Variants in BNC2 observed in about 807,000 individuals in gnomAD.
BNC2 encodes the protein basonuclin zinc finger protein 2, also known as zinc finger protein basonuclin-2.
Under a neutral mutation model 76.3 loss-of-function variants are expected in BNC2, and 20 were observed. That is an observed-to-expected ratio of 0.26 (90% CI 0.18 to 0.38). BNC2 has a LOEUF of 0.38. Among genes scored for constraint, BNC2 ranks in the 10% least tolerant of loss-of-function variants. BNC2 has a pLI of 1.00. For synonymous variants in BNC2, 582 were observed against 514.8 expected (o/e 1.13, Z -1.77); for missense variants, 1,382 against 1,399.8 (o/e 0.99, Z 0.20).
chr9:16,556,774 A>T (rs955401302), intron 4 of BNC2, among the ~76,000 whole-genome samples: 4 of 151,988 alleles, frequency 2.6e-5, no homozygotes, highest in African/African-American at 9.7e-5. Context: ...CTCAAAAAAA[A>T]AAAAAAATTA....
chr9:16,766,008 C>T (rs898511408), intron 1 of BNC2, among the ~76,000 whole-genome samples: 22 of 152,036 alleles, frequency 1.4e-4, no homozygotes, highest in African/African-American at 3.6e-4. Flanking sequence ...AGGATGTTCT[C>T]GATCTCCTGA....
intron 5 of BNC2, among the ~76,000 whole-genome samples, chr9:16,472,188 TGTA>T (rs369813495): frequency 2.0e-5 from 3 of 152,342 alleles, no homozygotes; most frequent in African/African-American, 7.2e-5. Flanking sequence ...TATATTGTCC[TGTA>T]GTAACACAAA....
At chr9:16,589,993 T>G (rs553524954) in intron 3 of BNC2, among the ~76,000 whole-genome samples, 496 of 152,188 alleles carry the variant, frequency 3.3e-3, no homozygotes, top group Non-Finnish European at 4.4e-3. Context: ...GTGTGGTGGC[T>G]TAAACCTGTA....
chr9:16,728,043 C>A (rs745507947), intron 2 of BNC2, 46 bp from the exon 3 acceptor site: 1 of 1,548,918 alleles, frequency 6.5e-7, no homozygotes, highest in Non-Finnish European at 8.8e-7. Context: ...CAGCCAGTAG[C>A]AGGAGTGTAG....
chr9:16,860,461 G>A (rs1819370730), intron 1 of BNC2, among the ~76,000 whole-genome samples: 1 of 152,118 alleles, frequency 6.6e-6, no homozygotes, highest in Non-Finnish European at 1.5e-5. Flanking sequence ...AACAAATAGT[G>A]CTGGGAACAA....
rs16934621 is a variant in BNC2 at position 16,414,758 on chromosome 9, C to T, written c.*4231G>A. 21,073 of 152,088 alleles carry T rather than the reference C, an allele frequency of 0.14. 2,283 individuals carry two copies. Among genetic ancestry groups the T allele is most frequent in the African/African-American group, 0.3 (12,447 of 41,420 alleles). 9.4% of individuals were successfully genotyped at this position (152,088 alleles called of 1,614,324 possible). ...CAATCTGGTGACTAGCTTCTTTATG[C>T]TTTAATTGTCAACGGCCCTCATTCT... On this transcript the variant is annotated 3_prime_UTR_variant, in exon 7 of 7. Coordinates refer to ENST00000380672, the MANE Select transcript of BNC2 (RefSeq NM_017637.6).
chr9:16,688,843 A>G (rs1823058451), intron 3 of BNC2, among the ~76,000 whole-genome samples: 1 of 152,164 alleles, frequency 6.6e-6, no homozygotes, highest in Non-Finnish European at 1.5e-5. Context: ...ACCCTCTGAA[A>G]TCCCCAGGGC....
chr9:16,694,175 T>C (rs571532888), intron 3 of BNC2, among the ~76,000 whole-genome samples: 1 of 152,204 alleles, frequency 6.6e-6, no homozygotes, highest in South Asian at 2.1e-4. Context: ...CCTCCCTTGC[T>C]AAACAACACC....
At chr9:16,730,504 G>C (rs1316707590) in intron 2 of BNC2, among the ~76,000 whole-genome samples, 1 of 152,176 alleles carries the variant, frequency 6.6e-6, no homozygotes, top group Non-Finnish European at 1.5e-5. Context: ...GAGAGAAGCA[G>C]TTTATTAAGA....
chr9:16,607,180 C>T (rs1438136066), intron 3 of BNC2, among the ~76,000 whole-genome samples: 1 of 152,190 alleles, frequency 6.6e-6, no homozygotes, highest in African/African-American at 2.4e-5. Context: ...ATCTCAAACT[C>T]CTGTGCTCAG....
chr9:16,779,443 G>C (rs1826063522), intron 1 of BNC2, among the ~76,000 whole-genome samples: 1 of 152,038 alleles, frequency 6.6e-6, no homozygotes, highest in Non-Finnish European at 1.5e-5. Context: ...CAACATATAA[G>C]CTTAATTCTA....
chr9:16,535,025 T>A (rs908480271), intron 5 of BNC2, among the ~76,000 whole-genome samples: 1 of 152,138 alleles, frequency 6.6e-6, no homozygotes, highest in African/African-American at 2.4e-5. Flanking sequence ...AATAAAATGA[T>A]TTCCAAATTT....
chr9:16,630,374 A>G (rs1821125221), intron 3 of BNC2, among the ~76,000 whole-genome samples: 1 of 152,260 alleles, frequency 6.6e-6, no homozygotes, highest in Non-Finnish European at 1.5e-5. Context: ...TGATAAAAGC[A>G]TTAAAACTCA....
chr9:16,549,932 A>G (rs904781449), intron 5 of BNC2, among the ~76,000 whole-genome samples: 14 of 152,104 alleles, frequency 9.2e-5, no homozygotes, highest in African/African-American at 3.4e-4. Context: ...TTTTCTCAAA[A>G]TGTCAATTTT....
chr9:16,841,102 C>T (rs150881153), intron 1 of BNC2, among the ~76,000 whole-genome samples: 37 of 152,272 alleles, frequency 2.4e-4, no homozygotes, highest in Non-Finnish European at 4.4e-4. Flanking sequence ...ATAAAAAGGT[C>T]ACAAATTAAT....
In BNC2 at chr9:16,794,876, A is replaced by G. The variant is rs540321934; in HGVS notation, c.4-56391T>C. Reference sequence around the variant, plus strand: ...CCTCAAGAAGAAGTGTCAGGCTCAAATTACAACAGCTTATCTGATGGGGGA... The same window carrying G: ...CCTCAAGAAGAAGTGTCAGGCTCAAGTTACAACAGCTTATCTGATGGGGGA... On this transcript the variant is annotated intron_variant, in intron 1 of 6. Transcript: ENST00000380672. Among the ~76,000 whole-genome samples, 3 of 149,842 alleles carry G rather than the reference A, an allele frequency of 2.0e-5. No homozygotes were observed. In the Admixed American group the frequency reaches 2.0e-4, roughly 10 times the overall value.
At chr9:16,444,065 C>A (rs1821182714) in intron 5 of BNC2, among the ~76,000 whole-genome samples, 1 of 152,178 alleles carries the variant, frequency 6.6e-6, no homozygotes, top group Admixed American at 6.5e-5. Flanking sequence ...TGTTTATAAG[C>A]CACCTTACTC....
chr9:16,492,098 A>C (rs1036297134), intron 5 of BNC2, among the ~76,000 whole-genome samples: 1 of 152,202 alleles, frequency 6.6e-6, no homozygotes, highest in Non-Finnish European at 1.5e-5. Context: ...ATCAAAATTA[A>C]GTTGAATGCT....
chr9:16,801,745 C>T (rs4523356), intron 1 of BNC2, among the ~76,000 whole-genome samples: 1 of 136,238 alleles, frequency 7.3e-6, no homozygotes, highest in South Asian at 2.4e-4. Flanking sequence ...AAAAAAAAAA[C>T]ACACACACAC....
Sources: gnomAD v4.1 joint callset for allele counts (sites outside exome capture counted in the v4.1 genomes callset) on GRCh38, gnomAD v4.1.1 for gene constraint, MANE v1.5 for transcripts, NCBI Gene and HGNC (gene_info 2026-07-23, HGNC 2026-07-21) for gene names.